The following RASA3 variants were observed in gnomAD, a reference collection of about 807,000 sequenced individuals.
The protein encoded by RASA3 is ras GTPase-activating protein 3.
A neutral mutation model predicts 110.0 loss-of-function variants in RASA3; 73 were observed. The observed-to-expected ratio is 0.66, with a 90% CI of 0.55 to 0.81. RASA3 has a LOEUF of 0.81. RASA3 is among the 30% of genes least tolerant of loss of function. The probability of loss-of-function intolerance (pLI) is 0.00; values close to 1 mark genes in which losing one functional copy is unlikely to be tolerated. For missense variants in RASA3, 976 were observed against 1,113.2 expected (o/e 0.88, Z 1.75); for synonymous variants, 500 against 451.4 (o/e 1.11, Z -1.37).
chr13:114,071,102 T>C (rs889187180), intron 2 of RASA3, among the ~76,000 whole-genome samples: 3 of 152,240 alleles, frequency 2.0e-5, no homozygotes, highest in African/African-American at 7.2e-5. Flanking sequence ...TTCTTTGCTA[T>C]CAGTCTTTTG....
Position 113,997,012 on chromosome 13 carries a change from C to G in RASA3, c.1933-273G>C, listed in dbSNP as rs146306526. On this transcript the variant is annotated intron_variant, in intron 20 of 23. Transcript: ENST00000334062. ...GGAGATGTGGCCAGGTGGCCAGGAA[C>G]AGCTTGGCCAAGGCCCTTTATGTCC... 4.2e-3 allele frequency among the ~76,000 whole-genome samples: 637 copies of G among 152,328 alleles called. 7 individuals are homozygous for G. Among genetic ancestry groups the G allele is most frequent in the African/African-American group, 0.015 (610 of 41,576 alleles).
At position 113,996,608 on chromosome 13, in the gene RASA3, C is replaced by T. The variant is rs138387996; in HGVS notation, c.2064G>A (p.Pro688=). 4.1e-4 allele frequency: 667 copies of T among 1,613,584 alleles called. 7 individuals carry two copies. The Middle Eastern group carries it at 6.0e-3, about 14-fold the overall frequency. Residue 688 remains proline (P), a synonymous_variant, in exon 21 of 24, where the codon CCG becomes CCA. Transcript: ENST00000334062. ...GCCAGTGGCCGCTCAGGTAGGCGGACGGGTGGTAGACGGTGAGGCGCTTCT... is the reference window on the plus strand; with the variant it reads ...GCCAGTGGCCGCTCAGGTAGGCGGATGGGTGGTAGACGGTGAGGCGCTTCT... The part of the protein sequence containing the change: ...CNQKRLTVYH[P]SAYLSGHWLC...
At chr13:114,062,569 C>T (rs189857475) in intron 2 of RASA3, among the ~76,000 whole-genome samples, 1 of 133,352 alleles carries the variant, frequency 7.5e-6, no homozygotes. Context: ...CACGCAGACT[C>T]GGACACGCGT....
At chr13:114,101,672 G>A (rs541183718) in intron 1 of RASA3, among the ~76,000 whole-genome samples, 3 of 152,298 alleles carry the variant, frequency 2.0e-5, no homozygotes, top group African/African-American at 4.8e-5. Context: ...CACGAAACCC[G>A]AACAGCCCCG....
intron 1 of RASA3, among the ~76,000 whole-genome samples, chr13:114,117,913 A>G (rs2080316377): frequency 6.9e-6 from 1 of 144,728 alleles, no homozygotes; most frequent in South Asian, 2.2e-4. Flanking sequence ...GGGTGCATGC[A>G]CACACACCTG....
Position 114,057,367 on chromosome 13 carries a change from C to T in RASA3, c.174-5212G>A, listed in dbSNP as rs2079263474. 1 of 985,242 alleles carries T rather than the reference C, an allele frequency of 1.0e-6. No individual in the cohort carries two copies. Among genetic ancestry groups the T allele is most frequent in the African/African-American group, 1.7e-5 (1 of 57,188 alleles). 61.0% of individuals were successfully genotyped at this position (985,242 alleles called of 1,614,324 possible). A position where few individuals can be genotyped will look rare whatever the true frequency, so the allele number is the denominator to read the frequency against. On this transcript the variant is annotated intron_variant, in intron 2 of 23. Transcript: ENST00000334062. The surrounding 1 kb of genome is among the most constrained non-coding windows in gnomAD (Gnocchi z 5.0). ...GCTTCATTCCCACGAGCTGGACGAG[C>T]AGAAGGCATTGCAGGGCAGTGGGGT...
chr13:113,991,773 T>C (rs1463040560), intron 22 of RASA3, among the ~76,000 whole-genome samples: 2 of 152,264 alleles, frequency 1.3e-5, no homozygotes, highest in Non-Finnish European at 2.9e-5. Flanking sequence ...GGCATGTGTG[T>C]ACCCACATAT....
chr13:114,002,803 G>C (rs1372553481), intron 18 of RASA3, among the ~76,000 whole-genome samples: 1 of 152,166 alleles, frequency 6.6e-6, no homozygotes, highest in Non-Finnish European at 1.5e-5. Flanking sequence ...CGGGCCCATC[G>C]CGCGTGTGGG....
At chr13:114,124,781 G>A (rs933287303) in intron 1 of RASA3, among the ~76,000 whole-genome samples, 2 of 152,240 alleles carry the variant, frequency 1.3e-5, no homozygotes, top group African/African-American at 2.4e-5. Flanking sequence ...TTGAATGAAG[G>A]CAAGTTATTT....
chr13:114,055,286 G>A (rs2079225457), intron 2 of RASA3, among the ~76,000 whole-genome samples: 1 of 152,246 alleles, frequency 6.6e-6, no homozygotes, highest in African/African-American at 2.4e-5. Flanking sequence ...TGTACACAAA[G>A]GCACCACAGA....
chr13:114,096,627 C>T lies in RASA3; in HGVS notation c.56-22790G>A, dbSNP rs2079948134. ...AACTGCTCCTTTCCAGCCAAATGAC[C>T]CATTTCCCAAACGCCTTCCCTTTCC... is the stretch of plus-strand genomic sequence containing the variant. On this transcript the variant is annotated intron_variant, in intron 1 of 23. Transcript: ENST00000334062. The surrounding 1 kb of genome is among the most constrained non-coding windows in gnomAD (Gnocchi z 5.1). Among the ~76,000 whole-genome samples, 1 of 152,144 alleles carries T rather than the reference C, an allele frequency of 6.6e-6. No individual in the cohort carries two copies. The highest frequency in any genetic ancestry group is 1.5e-5 in the Non-Finnish European group (1 of 68,030).
At chr13:114,017,577 C>T (rs532662581) in intron 11 of RASA3, among the ~76,000 whole-genome samples, 45 of 152,372 alleles carry the variant, frequency 3.0e-4, no homozygotes, top group African/African-American at 9.6e-4. Context: ...CGGCTACCTG[C>T]GTGGCCACCA....
intron 1 of RASA3, among the ~76,000 whole-genome samples, chr13:114,087,769 T>C (rs2079840832): frequency 6.6e-6 from 1 of 152,206 alleles, no homozygotes; most frequent in Admixed American, 6.5e-5. Context: ...CAGAGGGCCT[T>C]GGAGGGCCGG....
At chr13:114,062,568 TCGGACACGCGTGCTCACAGCCCACGTCCG>T (rs1372087249) in intron 2 of RASA3, among the ~76,000 whole-genome samples, 2 of 133,236 alleles carry the variant, frequency 1.5e-5, no homozygotes, top group African/African-American at 6.1e-5. Context: ...GCACGCAGAC[TCGGACACGCGTGCTCACAGCCCACGTCCG>T]CACGCAGACT....
intron 5 of RASA3, among the ~76,000 whole-genome samples, chr13:114,029,185 GT>G (rs2054095662): frequency 3.1e-5 from 1 of 32,414 alleles, no homozygotes. Flanking sequence ...CTTCATCCTG[GT>G]GGGCCAGGAC....
intron 2 of RASA3, among the ~76,000 whole-genome samples, chr13:114,066,079 A>G (rs2079444097): frequency 6.6e-6 from 1 of 151,662 alleles, no homozygotes; most frequent in South Asian, 2.1e-4. Flanking sequence ...ACCACACGCC[A>G]CACACCACTG....
At chr13:114,052,243 A>G (rs2079157760) in intron 2 of RASA3, 88 bp from the exon 3 acceptor site, 2 of 849,462 alleles carry the variant, frequency 2.4e-6, no homozygotes, top group East Asian at 2.6e-5. Context: ...TTAGTTTTAA[A>G]CATGCCATAA....
chr13:114,117,169 G>C (rs1416767340), intron 1 of RASA3, among the ~76,000 whole-genome samples: 2 of 113,416 alleles, frequency 1.8e-5, no homozygotes, highest in Non-Finnish European at 1.9e-5. Flanking sequence ...GTGCACGTGT[G>C]TGACAGATGC....
In RASA3 at chr13:114,031,865, C is replaced by T. The variant is rs1181683327; in HGVS notation, c.373-1978G>A. ...TGGGACAGACGGGCAGAATGCCTGG[C>T]GCTAAGACGTGGACGGCAGAACCGA... is the stretch of plus-strand genomic sequence containing the variant. On this transcript the variant is annotated intron_variant, in intron 4 of 23. Coordinates refer to ENST00000334062, the MANE Select transcript of RASA3 (RefSeq NM_007368.4). Among the ~76,000 whole-genome samples, 4 of 152,250 alleles carry T rather than the reference C, an allele frequency of 2.6e-5. No individual in the cohort carries two copies. The East Asian group carries it at 5.8e-4, about 22-fold the overall frequency.
Sources: gnomAD v4.1 joint callset for allele counts (sites outside exome capture counted in the v4.1 genomes callset) on GRCh38, gnomAD v4.1.1 for gene constraint, Gnocchi (gnomAD v3.1) non-coding constraint, MANE v1.5 for transcripts, NCBI Gene and HGNC (gene_info 2026-07-23, HGNC 2026-07-21) for gene names.